The following RERE variants were observed in gnomAD, a reference collection of about 807,000 sequenced individuals.
The protein encoded by RERE is arginine-glutamic acid dipeptide repeats.
A neutral mutation model predicts 146.1 loss-of-function variants in RERE; 40 were observed. That is an observed-to-expected ratio of 0.27 (90% confidence interval 0.21 to 0.36). RERE has a LOEUF of 0.36. RERE is among the 10% of genes least tolerant of loss of function. RERE has a pLI of 1.00. For synonymous variants in RERE, 1,003 were observed against 866.0 expected (o/e 1.16, Z -2.78); for missense variants, 1,933 against 2,138.7 (o/e 0.90, Z 1.90).
chr1:8,381,063 C>A (rs1391448770), intron 12 of RERE: 1 of 455,682 alleles, frequency 2.2e-6, no homozygotes, highest in Non-Finnish European at 4.4e-6. Context: ...CTGGCCCACC[C>A]CTCCAGCTCT....
Position 8,358,806 on chromosome 1 carries a change from G to A in RERE, c.3729C>T (p.Pro1243=), listed in dbSNP as rs1406912397. The change falls in exon 20 of 23, where the codon CCC becomes CCT. Residue 1243 remains proline, a synonymous_variant. Coordinates refer to ENST00000400908, the MANE Select transcript of RERE (RefSeq NM_001042681.2). ...EPPPTTIAAV[P]PYIGPDTPAL... is the part of the protein sequence containing the mutation. The stretch of plus-strand genomic sequence containing the variant: ...CAGGTGTGTCGGGCCCGATGTAGGG[G>A]GGCACAGCAGCAATGGTGGTTGGTG... The A allele has an allele frequency of 1.9e-6, 3 of 1,612,256 alleles. No individual in the cohort carries two copies. In the South Asian group the frequency reaches 3.3e-5, roughly 18 times the overall value.
At chr1:8,369,598 G>T (rs1641953880) in intron 12 of RERE, among the ~76,000 whole-genome samples, 1 of 150,718 alleles carries the variant, frequency 6.6e-6, no homozygotes, top group Admixed American at 6.6e-5. Context: ...GTCACAGGTG[G>T]TAAGAACGGT....
intron 7 of RERE, among the ~76,000 whole-genome samples, chr1:8,530,674 G>GTTTTTTT (rs1645632322): frequency 8.6e-6 from 1 of 116,926 alleles, no homozygotes; most frequent in African/African-American, 3.2e-5. Flanking sequence ...CTGAGTTTTC[G>GTTTTTTT]TTTTCTTTTT....
At chr1:8,540,360 A>C (rs1436031462) in intron 7 of RERE, among the ~76,000 whole-genome samples, 1 of 152,054 alleles carries the variant, frequency 6.6e-6, no homozygotes, top group Non-Finnish European at 1.5e-5. Flanking sequence ...CAATCCTCCC[A>C]CTGTGGCCTC....
intron 1 of RERE, among the ~76,000 whole-genome samples, chr1:8,782,998 AATC>A (rs1004912725): frequency 2.0e-5 from 3 of 152,134 alleles, no homozygotes; most frequent in African/African-American, 7.2e-5. Flanking sequence ...CAAACCTTGG[AATC>A]ATCCTTGACT....
intron 4 of RERE, among the ~76,000 whole-genome samples, chr1:8,588,881 C>G (rs941304824): frequency 2.0e-5 from 3 of 152,070 alleles, no homozygotes; most frequent in Non-Finnish European, 2.9e-5. Context: ...CCCAGCACTT[C>G]AGGAAGCCAA....
intron 4 of RERE, among the ~76,000 whole-genome samples, chr1:8,608,597 A>C (rs929912900): frequency 6.6e-6 from 1 of 152,236 alleles, no homozygotes; most frequent in African/African-American, 2.4e-5. Context: ...AGAGCAATGC[A>C]CTATCCCTGA....
chr1:8,585,874 A>C (rs960968995), intron 4 of RERE, among the ~76,000 whole-genome samples: 1 of 152,222 alleles, frequency 6.6e-6, no homozygotes, highest in African/African-American at 2.4e-5. Context: ...AATGAAACTG[A>C]AATCATATAA....
intron 2 of RERE, among the ~76,000 whole-genome samples, chr1:8,655,203 T>G (rs373725150): frequency 1.3e-5 from 2 of 151,740 alleles, no homozygotes; most frequent in African/African-American, 4.8e-5. Context: ...ATCTCTGATC[T>G]TCAGGGCTTT....
chr1:8,750,436 G>A lies in RERE; in HGVS notation c.-145+66724C>T, dbSNP rs537983565. On this transcript the variant is annotated intron_variant, in intron 1 of 22. Transcript: ENST00000400908. ...CTCTTTTTCCGGCTGGAACCATGGA[G>A]GGTGTTGAAGAGAAGAAGGTGGTTC... The A allele has an allele frequency of 1.9e-4, 154 of 812,792 alleles. No homozygotes were observed. The South Asian group carries it at 2.0e-3, about 11-fold the overall frequency. The allele number at this position is 812,792 out of a possible 1,614,324, so 50.3% of individuals were successfully genotyped here.
intron 12 of RERE, among the ~76,000 whole-genome samples, chr1:8,369,606 G>T (rs1448455932): frequency 6.6e-6 from 1 of 151,332 alleles, no homozygotes; most frequent in Non-Finnish European, 1.5e-5. Flanking sequence ...TGGTAAGAAC[G>T]GTAAACTTAC....
intron 12 of RERE, among the ~76,000 whole-genome samples, chr1:8,410,213 G>A (rs932330516): frequency 9.2e-5 from 14 of 152,026 alleles, no homozygotes; most frequent in African/African-American, 2.9e-4. Flanking sequence ...GAGGGGGGCC[G>A]CCCTGGCTGG....
rs749911485 is a variant in RERE at position 8,361,147 on chromosome 1, T to C, written c.2360A>G (p.Gln787Arg). 5.5e-6 allele frequency: 8 copies of C among 1,442,992 alleles called. No individual in the cohort carries two copies. The African/African-American group carries it at 1.2e-4, about 21-fold the overall frequency. 89.4% of individuals were successfully genotyped at this position (1,442,992 alleles called of 1,614,324 possible). Reference protein sequence around the residue: ...GSPTASQAPNQPQAPTAPVPH... With the variant: ...GSPTASQAPNRPQAPTAPVPH... Reference sequence around the variant, plus strand: ...AACAGGCGCTGTGGGAGCCTGTGGCTGGTTAGGGGCCTGGGAGGCCGTGGG... The same window carrying C: ...AACAGGCGCTGTGGGAGCCTGTGGCCGGTTAGGGGCCTGGGAGGCCGTGGG... The change falls in exon 18 of 23, where the codon CAG becomes CGG. Residue 787 changes from glutamine (Q) to arginine (R), a missense_variant. Gln to Arg is a conservative substitution (Grantham distance 43). Transcript: ENST00000400908.
At chr1:8,753,975 G>A (rs968394121) in intron 1 of RERE, 10 of 152,140 alleles carry the variant, frequency 6.6e-5, no homozygotes, top group Admixed American at 6.5e-4. Flanking sequence ...TTTCAGATGT[G>A]TCAAATGTGT....
chr1:8,716,018 A>C (rs74631648), intron 1 of RERE, among the ~76,000 whole-genome samples: 6 of 151,988 alleles, frequency 3.9e-5, no homozygotes, highest in African/African-American at 1.5e-4. Flanking sequence ...AGTGGCTCAC[A>C]CCTGTGGTCT....
chr1:8,384,404 T>G (rs995719031), intron 12 of RERE, among the ~76,000 whole-genome samples: 1 of 152,160 alleles, frequency 6.6e-6, no homozygotes, highest in South Asian at 2.1e-4. Flanking sequence ...CTGGATGCCA[T>G]GAGGTACTAA....
At chr1:8,802,835 A>C (rs562209102) in intron 1 of RERE, among the ~76,000 whole-genome samples, 9 of 152,310 alleles carry the variant, frequency 5.9e-5, no homozygotes, top group Non-Finnish European at 1.0e-4. Flanking sequence ...AAAAAAAAAC[A>C]GGCTTTTAGT....
intron 1 of RERE, among the ~76,000 whole-genome samples, chr1:8,732,621 T>C (rs372273335): frequency 6.6e-6 from 1 of 152,098 alleles, no homozygotes; most frequent in Non-Finnish European, 1.5e-5. Context: ...CCCCACAGAA[T>C]GTACAACACA....
At chr1:8,549,454 T>C (rs902973977) in intron 6 of RERE, among the ~76,000 whole-genome samples, 6 of 152,088 alleles carry the variant, frequency 3.9e-5, no homozygotes, top group Non-Finnish European at 7.4e-5. Flanking sequence ...CAAATAGATT[T>C]ATGGGATAAA....
Sources: gnomAD v4.1 joint callset for allele counts (sites outside exome capture counted in the v4.1 genomes callset) on GRCh38, gnomAD v4.1.1 for gene constraint, MANE v1.5 for transcripts, NCBI Gene and HGNC (gene_info 2026-07-23, HGNC 2026-07-21) for gene names.